Variants in PNPLA1 observed in about 807,000 individuals in gnomAD.
PNPLA1 encodes patatin like domain 1, omega-hydroxyceramide transacylase, also known as omega-hydroxyceramide transacylase.
A neutral mutation model predicts 51.7 loss-of-function variants in PNPLA1; 36 were observed. The observed-to-expected ratio is 0.70, with a 90% CI of 0.53 to 0.92. The LOEUF is 0.92. PNPLA1 is among the 40% of genes least tolerant of loss of function. The pLI, the probability that PNPLA1 is intolerant of heterozygous loss-of-function variation, is 0.00. For missense variants in PNPLA1, 658 were observed against 682.5 expected, an observed-to-expected ratio of 0.96 and a Z score of 0.40; for synonymous variants, 293 against 280.1, an observed-to-expected ratio of 1.05 and a Z score of -0.46.
At chr6:36,308,823 G>A (rs1771321345) in intron 8 of PNPLA1, among the ~76,000 whole-genome samples, 1 of 152,076 alleles carries the variant, frequency 6.6e-6, no homozygotes, top group South Asian at 2.1e-4. Flanking sequence ...TTATTTCATT[G>A]GGTTATCAAA....
At chr6:36,257,397 C>A (rs746857305) in intron 1 of PNPLA1, among the ~76,000 whole-genome samples, 1 of 152,200 alleles carries the variant, frequency 6.6e-6, no homozygotes, top group African/African-American at 2.4e-5. Context: ...TGATTAAAGA[C>A]CCACATTCCT....
At chr6:36,288,712 C>T (rs1021519272) in intron 1 of PNPLA1, among the ~76,000 whole-genome samples, 2 of 152,040 alleles carry the variant, frequency 1.3e-5, no homozygotes, top group African/African-American at 4.8e-5. Context: ...CCCGCCTCGG[C>T]CTCCCAAAGT....
intron 1 of PNPLA1, among the ~76,000 whole-genome samples, chr6:36,259,865 T>C (rs560810267): frequency 2.2e-4 from 33 of 152,250 alleles, no homozygotes; most frequent in African/African-American, 7.9e-4. Flanking sequence ...GTTCAAAAAC[T>C]ATTGAGTACT....
intron 1 of PNPLA1, among the ~76,000 whole-genome samples, chr6:36,250,123 G>A (rs369280460): frequency 6.6e-6 from 1 of 152,290 alleles, no homozygotes; most frequent in East Asian, 1.9e-4. Flanking sequence ...CACAGAGATC[G>A]GAAATCCAGA....
chr6:36,297,612 T>C (rs1770897225), intron 5 of PNPLA1, among the ~76,000 whole-genome samples: 2 of 152,038 alleles, frequency 1.3e-5, no homozygotes, highest in Non-Finnish European at 2.9e-5. Context: ...GGCAAGCCAC[T>C]CTGTCTACAC....
chr6:36,269,159 C>G (rs978401823), upstream of PNPLA1, among the ~76,000 whole-genome samples: 2 of 152,298 alleles, frequency 1.3e-5, no homozygotes, highest in South Asian at 4.1e-4. Context: ...TCCCCAGAAG[C>G]GGGGAAGCCA....
At chr6:36,306,725 A>G (rs557569813) in intron 7 of PNPLA1, among the ~76,000 whole-genome samples, 55 of 152,024 alleles carry the variant, frequency 3.6e-4, no homozygotes, top group Non-Finnish European at 3.5e-4. Flanking sequence ...CAGGCATCCT[A>G]CCTCCCAGCC....
At chr6:36,299,858 T>C (rs1414590235) in intron 5 of PNPLA1, among the ~76,000 whole-genome samples, 4 of 152,182 alleles carry the variant, frequency 2.6e-5, no homozygotes, top group Non-Finnish European at 5.9e-5. Flanking sequence ...TTTGTTTTTT[T>C]AGGGTAGTTT....
rs968808005 is a variant in PNPLA1, at chr6:36,313,037, T to G, written c.*1151T>G. ...AGTGTACTAACGGCTTGGCCTGAGC[T>G]GGTCACTGGAATCGCTGGCTGAATT... On this transcript the variant is annotated 3_prime_UTR_variant, in exon 9 of 9. Transcript: ENST00000636260. Among the ~76,000 whole-genome samples, 3 of 152,186 alleles carry G rather than the reference T, an allele frequency of 2.0e-5. No individual in the cohort carries two copies. The highest frequency in any genetic ancestry group is 7.2e-5 in the African/African-American group (3 of 41,450).
intron 1 of PNPLA1, among the ~76,000 whole-genome samples, chr6:36,263,534 G>A (rs181185825): frequency 2.0e-5 from 3 of 152,184 alleles, no homozygotes; most frequent in Non-Finnish European, 4.4e-5. Context: ...AATAAGAGAA[G>A]TGACGTGATT....
chr6:36,281,885 G>T (rs768970929), intron 1 of PNPLA1, among the ~76,000 whole-genome samples: 11 of 151,726 alleles, frequency 7.2e-5, no homozygotes, highest in Non-Finnish European at 1.5e-4. Context: ...GCCGGGCATG[G>T]TGGTAGGCAT....
rs1478221195 is a variant in PNPLA1 at position 36,270,442 on chromosome 6, AAGTC to A, written c.-15_-12del. 2 of 1,550,578 alleles carry A rather than the reference AAGTC, an allele frequency of 1.3e-6. No individual in the cohort carries two copies. Among genetic ancestry groups the A allele is most frequent in the African/African-American group, 1.4e-5 (1 of 73,048 alleles). On this transcript the variant is annotated 5_prime_UTR_variant, in exon 1 of 9. Transcript: ENST00000636260. The stretch of plus-strand genomic sequence containing the variant: ...GAAGGGTGGCTCCGCCTTCCGCAGA[AAGTC>A]AGAGGCCGAGGAGATGGAAGAACAG...
At position 36,270,578 on chromosome 6, in the gene PNPLA1, C is replaced by T; in HGVS notation, c.119C>T (p.Pro40Leu). 6.4e-7 allele frequency: 1 copy of T among 1,551,642 alleles called. No homozygotes were observed. Among genetic ancestry groups the T allele is most frequent in the Middle Eastern group, 1.7e-4 (1 of 5,988 alleles). Residue 40 changes from proline to leucine, a missense_variant, in exon 1 of 9, where the codon CCC becomes CTC. Coordinates refer to ENST00000636260, the MANE Select transcript of PNPLA1 (RefSeq NM_001374623.1). ...GTGGACGCCCTGCGGGACCTGGCCC[C>T]CCGGATGCTGGAAACAGCCCACCGC... ...GAVDALRDLA[P>L]RMLETAHRFA...
Position 36,295,257 on chromosome 6 carries a change from A to G in PNPLA1, c.715-107A>G, listed in dbSNP as rs1770822041. ...TGGATGGGTACGTTTTGAAAAGCCC[A>G]TCAAATAAAATTCAAGAGCAATGGG... On this transcript the variant is annotated intron_variant, in intron 4 of 8. Coordinates refer to ENST00000636260, the MANE Select transcript of PNPLA1 (RefSeq NM_001374623.1). 9 of 1,156,228 alleles carry G rather than the reference A, an allele frequency of 7.8e-6. No individual in the cohort carries two copies. The South Asian group carries it at 8.7e-5, about 11-fold the overall frequency. 71.6% of individuals were successfully genotyped at this position (1,156,228 alleles called of 1,614,324 possible). A position where few individuals can be genotyped will look rare whatever the true frequency, so the allele number is the denominator to read the frequency against.
chr6:36,247,428 A>T (rs574576073), intron 1 of PNPLA1, among the ~76,000 whole-genome samples: 215 of 152,240 alleles, frequency 1.4e-3, no homozygotes, highest in Non-Finnish European at 2.6e-3. Context: ...TTACTTGCTT[A>T]TTTTATTACC....
chr6:36,256,006 A>T (rs1412890203), intron 1 of PNPLA1, among the ~76,000 whole-genome samples: 1 of 152,094 alleles, frequency 6.6e-6, no homozygotes, highest in African/African-American at 2.4e-5. Flanking sequence ...GAAAATTTCT[A>T]ACGGTAGGTT....
chr6:36,268,190 C>T (rs1769807125), upstream of PNPLA1, among the ~76,000 whole-genome samples: 1 of 152,122 alleles, frequency 6.6e-6, no homozygotes, highest in Non-Finnish European at 1.5e-5. Context: ...CCCTTTGGAC[C>T]CTGCCTTTCT....
rs375528426 is a variant in PNPLA1 at position 36,307,592 on chromosome 6, G to C, written c.1475G>C (p.Ser492Thr). The C allele has an allele frequency of 1.2e-6, 2 of 1,613,466 alleles. No homozygotes were observed. Among genetic ancestry groups the C allele is most frequent in the East Asian group, 2.2e-5 (1 of 44,850 alleles). Residue 492 changes from serine (S) to threonine (T), a missense_variant, in exon 8 of 9, where the codon AGC becomes ACC. Transcript: ENST00000636260. ...ETVSKPYVTE[S>T]PAEDSNWVNK... ...TACTTAATCTCTTTGCCTAGGGAGA[G>C]CCCTGCTGAAGACTCAAACTGGGTG...
At chr6:36,264,885 C>G (rs1769729044) in intron 1 of PNPLA1, among the ~76,000 whole-genome samples, 1 of 152,208 alleles carries the variant, frequency 6.6e-6, no homozygotes, top group African/African-American at 2.4e-5. Context: ...CTGTGCCAAA[C>G]TTTCTCCTCT....
Sources: allele counts gnomAD v4.1 joint callset (sites outside exome capture counted in the v4.1 genomes callset), GRCh38; gene constraint gnomAD v4.1.1; transcripts MANE v1.5; gene names NCBI Gene and HGNC (gene_info 2026-07-23, HGNC 2026-07-21).